The following KCNH7 variants were observed in gnomAD, a reference collection of about 807,000 sequenced individuals.
The protein encoded by KCNH7 is voltage-gated inwardly rectifying potassium channel KCNH7.
KCNH7 carries 49 observed loss-of-function variants against 120.8 expected under a neutral mutation model. That is an observed-to-expected ratio of 0.41 (90% CI 0.32 to 0.51). The LOEUF (loss-of-function observed/expected upper bound fraction) is 0.51, where lower values mean the gene tolerates loss of function less well. Ranked by LOEUF, KCNH7 falls within the 20% of genes least tolerant of loss-of-function variation. The pLI is 0.38. For missense variants in KCNH7, 1,097 were observed against 1,446.6 expected (o/e 0.76, Z 3.92); for synonymous variants, 547 against 516.1 (o/e 1.06, Z -0.81).
intron 2 of KCNH7, among the ~76,000 whole-genome samples, chr2:162,641,608 A>T (rs1431423498): frequency 1.3e-5 from 2 of 152,162 alleles, no homozygotes; most frequent in Admixed American, 6.6e-5. Flanking sequence ...CATTCTTGAA[A>T]TGACAGAATT....
At chr2:162,800,545 G>T (rs1224378158) in intron 2 of KCNH7, among the ~76,000 whole-genome samples, 1 of 151,404 alleles carries the variant, frequency 6.6e-6, no homozygotes, top group Non-Finnish European at 1.5e-5. Context: ...TTTCATGAAG[G>T]GTCCTTTGAA....
At chr2:162,532,094 A>T (rs1029627948) in intron 3 of KCNH7, among the ~76,000 whole-genome samples, 1 of 151,930 alleles carries the variant, frequency 6.6e-6, no homozygotes, top group Non-Finnish European at 1.5e-5. Flanking sequence ...GGAGGAGTCA[A>T]ATAAAAGTAC....
intron 6 of KCNH7, among the ~76,000 whole-genome samples, chr2:162,447,312 A>G (rs1688613214): frequency 6.6e-6 from 1 of 152,146 alleles, no homozygotes; most frequent in African/African-American, 2.4e-5. Context: ...TCTACCAAGT[A>G]GAAAAGTCCA....
At chr2:162,652,888 G>A (rs1387658412) in intron 2 of KCNH7, among the ~76,000 whole-genome samples, 1 of 152,194 alleles carries the variant, frequency 6.6e-6, no homozygotes, top group East Asian at 1.9e-4. Flanking sequence ...TTGAATGAAG[G>A]TAGATGGATG....
intron 10 of KCNH7, among the ~76,000 whole-genome samples, chr2:162,397,781 C>T (rs1686957219): frequency 6.6e-6 from 1 of 151,798 alleles, no homozygotes; most frequent in Non-Finnish European, 1.5e-5. Context: ...CCTAAAATAA[C>T]TTCATGAAGG....
At chr2:162,539,228 CAG>C (rs1163478539) in intron 2 of KCNH7, among the ~76,000 whole-genome samples, 2 of 152,028 alleles carry the variant, frequency 1.3e-5, no homozygotes, top group Admixed American at 6.6e-5. Flanking sequence ...ACTGGTTAAA[CAG>C]AGTCTGAGGA....
chr2:162,836,254 T>G (rs1191464697), intron 2 of KCNH7, among the ~76,000 whole-genome samples: 1 of 152,154 alleles, frequency 6.6e-6, no homozygotes, highest in Admixed American at 6.5e-5. Flanking sequence ...TTTCTCTAAT[T>G]CCTTAAAGAA....
intron 5 of KCNH7, among the ~76,000 whole-genome samples, chr2:162,508,398 G>T (rs1690955551): frequency 6.7e-6 from 1 of 150,320 alleles, no homozygotes. Flanking sequence ...AATTAATTCA[G>T]CAAAACTTAA....
chr2:162,448,024 G>T (rs1688640847), intron 6 of KCNH7, among the ~76,000 whole-genome samples: 1 of 152,048 alleles, frequency 6.6e-6, no homozygotes, highest in Admixed American at 6.6e-5. Flanking sequence ...TTTATAGAGA[G>T]AACAGGGTTT....
rs1271360704 is a variant in KCNH7, at chr2:162,446,335, G to A, written c.1237C>T (p.Leu413Phe). The part of the protein sequence containing the change: ...YSPFKAVWDW[L>F]ILLLVIYTAI... The stretch of plus-strand genomic sequence containing the variant: ...GTGTATATGACCAACAGCAGGATAA[G>A]CCAGTCCCAGACTGCCTTGAAAGGG... Residue 413 changes from leucine to phenylalanine, a missense_variant, in exon 7 of 16, where the codon CTT becomes TTT. Transcript: ENST00000332142. 1 of 1,613,812 alleles carries A rather than the reference G, an allele frequency of 6.2e-7. No individual in the cohort carries two copies. Among genetic ancestry groups the A allele is most frequent in the Non-Finnish European group, 8.5e-7 (1 of 1,179,800 alleles).
At position 162,517,828 on chromosome 2, in the gene KCNH7, T is replaced by C; in HGVS notation, c.794A>G (p.Glu265Gly). Residue 265 changes from glutamate to glycine, a missense_variant, in exon 4 of 16, where the codon GAA (glutamate) becomes GGA (glycine). Glu to Gly is a moderately conservative substitution (Grantham distance 98). This residue lies in a region of KCNH7 where 362 missense variants were observed against 372.2 expected (regional missense o/e 0.97). Transcript: ENST00000332142. ...SSQLSHSRSR[E>G]SLCSIRRASS... ...TGCTCTCCGTATACTACATAAGCTT[T>C]CCCTTGATCTGGAATGGGACAGCTG... The C allele has an allele frequency of 6.2e-7, 1 of 1,612,362 alleles. No individual in the cohort carries two copies. The highest frequency in any genetic ancestry group is 1.3e-5 in the African/African-American group (1 of 74,876).
chr2:162,448,515 C>A (rs1475320826), intron 6 of KCNH7, among the ~76,000 whole-genome samples: 1 of 152,004 alleles, frequency 6.6e-6, no homozygotes, highest in Non-Finnish European at 1.5e-5. Flanking sequence ...ATCCACAAAT[C>A]TTTTTCATAA....
At chr2:162,376,222 G>A (rs1308340618) in intron 14 of KCNH7, among the ~76,000 whole-genome samples, 3 of 151,488 alleles carry the variant, frequency 2.0e-5, no homozygotes, top group Non-Finnish European at 4.4e-5. Flanking sequence ...AAATGAAGGA[G>A]GTGCATAAAT....
chr2:162,661,695 T>A (rs1684964536), intron 2 of KCNH7, among the ~76,000 whole-genome samples: 1 of 152,078 alleles, frequency 6.6e-6, no homozygotes, highest in East Asian at 1.9e-4. Flanking sequence ...CTATTTTAGG[T>A]AATGAAAATA....
At chr2:162,700,018 C>T (rs1001802508) in intron 2 of KCNH7, among the ~76,000 whole-genome samples, 12 of 151,972 alleles carry the variant, frequency 7.9e-5, no homozygotes, top group African/African-American at 2.2e-4. Context: ...CTGACTATGA[C>T]CAGAATTTCA....
At chr2:162,726,606 G>A (rs562389531) in intron 2 of KCNH7, among the ~76,000 whole-genome samples, 2 of 152,196 alleles carry the variant, frequency 1.3e-5, no homozygotes, top group East Asian at 1.9e-4. Context: ...TTTTAGTAAA[G>A]ACAAGGTTTC....
At chr2:162,468,440 AAAAT>A (rs1689379517) in intron 6 of KCNH7, among the ~76,000 whole-genome samples, 2 of 152,124 alleles carry the variant, frequency 1.3e-5, no homozygotes, top group African/African-American at 2.4e-5. Context: ...GGTTATCAAC[AAAAT>A]ATCTTGGCAG....
chr2:162,401,161 C>A (rs923693894), intron 9 of KCNH7, among the ~76,000 whole-genome samples: 1 of 151,864 alleles, frequency 6.6e-6, no homozygotes, highest in Non-Finnish European at 1.5e-5. Context: ...CTATTCAGGG[C>A]TAATTTAAAA....
intron 6 of KCNH7, among the ~76,000 whole-genome samples, chr2:162,498,202 A>G (rs1269522183): frequency 1.3e-5 from 2 of 152,070 alleles, no homozygotes; most frequent in Non-Finnish European, 2.9e-5. Context: ...AATTCACCAG[A>G]CATTCCTCTT....
Sources: gnomAD v4.1 joint callset for allele counts (sites outside exome capture counted in the v4.1 genomes callset) on GRCh38, gnomAD v4.1.1 for gene constraint, gnomAD v4.1.1 regional missense constraint, MANE v1.5 for transcripts, NCBI Gene and HGNC (gene_info 2026-07-23, HGNC 2026-07-21) for gene names.